Variants in PCDHA7 observed in about 807,000 individuals in gnomAD.
PCDHA7 encodes protocadherin alpha-7.
Under a neutral mutation model 57.2 loss-of-function variants are expected in PCDHA7, and 37 were observed. That is an observed-to-expected ratio of 0.65 (90% CI 0.50 to 0.85). The LOEUF (loss-of-function observed/expected upper bound fraction) is 0.85. PCDHA7 is among the 40% of genes least tolerant of loss of function. The pLI is 0.00. For missense variants in PCDHA7, 1,188 were observed against 1,241.8 expected (o/e 0.96, Z 0.65); for synonymous variants, 553 against 558.8 (o/e 0.99, Z 0.15).
intron 1 of PCDHA7, among the ~76,000 whole-genome samples, chr5:140,941,248 T>TTTCTTTC (rs2092963388): frequency 1.4e-5 from 2 of 141,492 alleles, no homozygotes; most frequent in African/African-American, 5.3e-5. Context: ...TCTTTCTTTC[T>TTTCTTTC]TTCTTTCTCT....
chr5:140,982,218 G>T, intron 2 of PCDHA7: 1 of 523,694 alleles, frequency 1.9e-6, no homozygotes, highest in South Asian at 3.9e-5. Flanking sequence ...GCCACATGGC[G>T]TTAATAAAAA....
intron 1 of PCDHA7, chr5:140,869,664 G>A (rs1554163333): frequency 5.0e-6 from 8 of 1,613,474 alleles, no homozygotes; most frequent in Non-Finnish European, 6.8e-6. Flanking sequence ...CAAATGGTAA[G>A]CAGATTAAAA....
chr5:140,978,704 G>A (rs1250477330), intron 1 of PCDHA7, among the ~76,000 whole-genome samples: 1 of 152,242 alleles, frequency 6.6e-6, no homozygotes, highest in African/African-American at 2.4e-5. Flanking sequence ...GCCAAAGGTG[G>A]CCTTTACAAG....
intron 1 of PCDHA7, among the ~76,000 whole-genome samples, chr5:140,961,023 A>G (rs1216128174): frequency 6.6e-6 from 1 of 152,146 alleles, no homozygotes. Flanking sequence ...GACACTTGCT[A>G]CCTCCTTGTT....
intron 1 of PCDHA7, among the ~76,000 whole-genome samples, chr5:140,920,933 C>G (rs1293177470): frequency 6.6e-6 from 1 of 151,360 alleles, no homozygotes; most frequent in Non-Finnish European, 1.5e-5. Flanking sequence ...GGTGATCTAG[C>G]CCTTTCATTC....
At position 140,858,521 on chromosome 5, in the gene PCDHA7, A is replaced by T. The variant is rs782589492; in HGVS notation, c.2355+21783A>T. 6.3e-6 allele frequency: 9 copies of T among 1,420,880 alleles called. 2 individuals are homozygous for T. The African/African-American group carries it at 1.3e-4, about 20-fold the overall frequency. 88.0% of individuals were successfully genotyped at this position (1,420,880 alleles called of 1,614,324 possible). ...CATTTTCTCAAATATGTATCAGAAT[A>T]TTTCATTTTTGTCTACATTCCATTT... On this transcript the variant is annotated intron_variant, in intron 1 of 3. Transcript: ENST00000525929.
chr5:140,929,246 C>T, intron 1 of PCDHA7: 1 of 1,613,738 alleles, frequency 6.2e-7, no homozygotes, highest in Non-Finnish European at 8.5e-7. Context: ...AATCTTGCCA[C>T]TGGGGTAGGA....
chr5:141,009,649 C>G lies in PCDHA7; in HGVS notation c.2526C>G (p.Ser842=). The change falls in exon 4 of 4, where the codon TCC becomes TCG. Residue 842 remains serine, a synonymous_variant. Coordinates refer to ENST00000525929, the MANE Select transcript of PCDHA7 (RefSeq NM_018910.3). ...ATPEPEAGEV[S]PPVGAGVNSN... ...CAGAACCAGAGGCAGGAGAAGTGTC[C>G]CCTCCAGTCGGTGCGGGTGTCAACA... 1 of 1,613,646 alleles carries G rather than the reference C, an allele frequency of 6.2e-7. No homozygotes were observed. The highest frequency in any genetic ancestry group is 8.5e-7 in the Non-Finnish European group (1 of 1,179,816).
rs1291498310 is a variant in PCDHA7, at chr5:140,946,680, G to A, written c.2356-32269G>A. Among the ~76,000 whole-genome samples, 6 of 145,092 alleles carry A rather than the reference G, an allele frequency of 4.1e-5. No homozygotes were observed. In the East Asian group the frequency reaches 9.9e-4, roughly 24 times the overall value. On this transcript the variant is annotated intron_variant, in intron 1 of 3. Coordinates refer to ENST00000525929, the MANE Select transcript of PCDHA7 (RefSeq NM_018910.3). ...TAGAAAGAATGAAATCCTGTCATTCGTGACAATATGGATGAATCTGGAGGT... is the reference window on the plus strand; with the variant it reads ...TAGAAAGAATGAAATCCTGTCATTCATGACAATATGGATGAATCTGGAGGT...
rs2150459394 is a variant in PCDHA7 at position 140,849,947 on chromosome 5, G to T, written c.2355+13209G>T. On this transcript the variant is annotated intron_variant, in intron 1 of 3. Transcript: ENST00000525929. The stretch of plus-strand genomic sequence containing the variant: ...CGGTGTCTGCGCGGGACGCTGACGC[G>T]CAGGAGAACGCCCTGGTGTCCTACT... 4 of 1,597,722 alleles carry T rather than the reference G, an allele frequency of 2.5e-6. No homozygotes were observed. In the African/African-American group the frequency reaches 4.0e-5, roughly 16 times the overall value.
At chr5:140,995,548 C>T (rs1554254718) in intron 3 of PCDHA7, among the ~76,000 whole-genome samples, 2 of 152,200 alleles carry the variant, frequency 1.3e-5, no homozygotes, top group Non-Finnish European at 2.9e-5. Context: ...GGGGCGATCA[C>T]TGTACTGAAT....
At chr5:140,886,860 C>T (rs1363871264) in intron 1 of PCDHA7, among the ~76,000 whole-genome samples, 1 of 151,304 alleles carries the variant, frequency 6.6e-6, no homozygotes, top group East Asian at 1.9e-4. Flanking sequence ...AAGGTCTTCC[C>T]AACTCCTATA....
intron 1 of PCDHA7, chr5:140,870,786 G>T: frequency 6.2e-7 from 1 of 1,613,634 alleles, no homozygotes; most frequent in East Asian, 2.2e-5. Context: ...ACGACAACGC[G>T]CCGGCACTGC....
At chr5:140,966,838 G>A in intron 1 of PCDHA7, 1 of 1,566,774 alleles carries the variant, frequency 6.4e-7, no homozygotes, top group South Asian at 1.2e-5. Context: ...CCTGGCTGCT[G>A]CTACTGCCTC....
At position 140,979,408 on chromosome 5, in the gene PCDHA7, G is replaced by GT. The variant is rs558051720; in HGVS notation, c.2414+411dup. Among the ~76,000 whole-genome samples the GT allele has an allele frequency of 3.0e-3, 447 of 147,714 alleles. 2 individuals carry two copies. Among genetic ancestry groups the GT allele is most frequent in the East Asian group, 0.02 (102 of 5,050 alleles). On this transcript the variant is annotated intron_variant, in intron 2 of 3. Coordinates refer to ENST00000525929, the MANE Select transcript of PCDHA7 (RefSeq NM_018910.3). ...TGTATACATACATGTTGTCTACCTT[G>GT]TTTTTTTTTTAATCTCACATTGGCT...
chr5:140,876,644 C>T, intron 1 of PCDHA7: 2 of 1,614,200 alleles, frequency 1.2e-6, no homozygotes, highest in South Asian at 1.1e-5. Context: ...TCACTGACAC[C>T]TCATGTTCCC....
At position 140,848,972 on chromosome 5, in the gene PCDHA7, T is replaced by C. The variant is rs17844324; in HGVS notation, c.2355+12234T>C. ...GGTTTCCACTAGAGGGCGCGTCCGA[T>C]GCAGATATCGGGGAGAACGCCCTGC... On this transcript the variant is annotated intron_variant, in intron 1 of 3. Coordinates refer to ENST00000525929, the MANE Select transcript of PCDHA7 (RefSeq NM_018910.3). The C allele has an allele frequency of 2.8e-5, 45 of 1,601,076 alleles. 3 individuals are homozygous for C. In the East Asian group the frequency reaches 9.8e-4, roughly 35 times the overall value.
chr5:140,949,050 T>C lies in PCDHA7; in HGVS notation c.2356-29899T>C, dbSNP rs561017467. 5.3e-5 allele frequency among the ~76,000 whole-genome samples: 8 copies of C among 151,896 alleles called. No homozygotes were observed. The East Asian group carries it at 1.5e-3, about 29-fold the overall frequency. On this transcript the variant is annotated intron_variant, in intron 1 of 3. Coordinates refer to ENST00000525929, the MANE Select transcript of PCDHA7 (RefSeq NM_018910.3). ...TATTCATTTAAAAGTATGTTCTAAT[T>C]TCCATTATGATTTAACTCTTTCACC...
At chr5:140,863,076 G>A (rs782126148) in intron 1 of PCDHA7, 19 of 569,916 alleles carry the variant, frequency 3.3e-5, no homozygotes, top group South Asian at 2.5e-4. Context: ...GGCTCTGCAC[G>A]GGCGAGATCA....
Sources: allele counts gnomAD v4.1 joint callset (sites outside exome capture counted in the v4.1 genomes callset), GRCh38; gene constraint gnomAD v4.1.1; transcripts MANE v1.5; gene names NCBI Gene and HGNC (gene_info 2026-07-23, HGNC 2026-07-21).